The following USP15 variants were observed in gnomAD, a reference collection of about 807,000 sequenced individuals.
USP15 encodes ubiquitin carboxyl-terminal hydrolase 15.
A neutral mutation model predicts 127.1 loss-of-function variants in USP15; 18 were observed. The ratio of observed to expected loss-of-function variants is 0.14; its 90% confidence interval spans 0.10 to 0.21. The LOEUF is 0.21. Among genes scored for constraint, USP15 ranks in the 10% least tolerant of loss-of-function variants. The probability of loss-of-function intolerance (pLI) is 1.00; values close to 1 mark genes in which losing one functional copy is unlikely to be tolerated. For missense variants in USP15, 805 were observed against 1,159.9 expected (o/e 0.69, Z 4.44); for synonymous variants, 364 against 393.7 (o/e 0.92, Z 0.89).
intron 7 of USP15, among the ~76,000 whole-genome samples, chr12:62,352,243 TGGAATTATTTC>T (rs2065986513): frequency 6.6e-6 from 1 of 151,856 alleles, no homozygotes; most frequent in Admixed American, 6.6e-5. Flanking sequence ...AAAGTATACT[TGGAATTATTTC>T]ATTTAAGTTT....
chr12:62,362,168 C>A (rs1302314925), intron 8 of USP15, among the ~76,000 whole-genome samples: 1 of 152,038 alleles, frequency 6.6e-6, no homozygotes, highest in Non-Finnish European at 1.5e-5. Context: ...TTATTCAGTA[C>A]ATTTTGAGAT....
At chr12:62,346,079 G>A (rs1438632687) in intron 6 of USP15, among the ~76,000 whole-genome samples, 2 of 152,140 alleles carry the variant, frequency 1.3e-5, no homozygotes. Context: ...AAAAAGAGTG[G>A]TGTCATGAAA....
At chr12:62,397,981 T>C (rs973861527) in intron 20 of USP15, among the ~76,000 whole-genome samples, 17 of 140,590 alleles carry the variant, frequency 1.2e-4, no homozygotes, top group Non-Finnish European at 2.3e-4. Context: ...ATTATTATTA[T>C]ATTTTATTTT....
chr12:62,286,877 C>T (rs1334725780), intron 1 of USP15, among the ~76,000 whole-genome samples: 1 of 149,890 alleles, frequency 6.7e-6, no homozygotes, highest in African/African-American at 2.5e-5. Context: ...GTGGAAGTTG[C>T]GGTGAGCTGA....
At chr12:62,307,552 A>G (rs910087154) in intron 3 of USP15, among the ~76,000 whole-genome samples, 1 of 152,168 alleles carries the variant, frequency 6.6e-6, no homozygotes, top group Non-Finnish European at 1.5e-5. Context: ...AAGAGGCACT[A>G]CAGTAGTCCC....
At chr12:62,345,188 G>A (rs781309236) in intron 6 of USP15, among the ~76,000 whole-genome samples, 3 of 152,176 alleles carry the variant, frequency 2.0e-5, no homozygotes, top group Non-Finnish European at 4.4e-5. Context: ...GCCTTTAGCA[G>A]CACCCAAGTC....
chr12:62,373,847 A>G (rs2137536600), intron 8 of USP15, among the ~76,000 whole-genome samples: 1 of 152,122 alleles, frequency 6.6e-6, no homozygotes, highest in Admixed American at 6.5e-5. Flanking sequence ...TATAACAAAA[A>G]TAAGAACATC....
chr12:62,383,827 G>A lies in USP15; in HGVS notation c.1090-13G>A, dbSNP rs1277807981. On this transcript the variant is annotated splice_polypyrimidine_tract_variant and intron_variant, in intron 9 of 21. Coordinates refer to ENST00000280377, the MANE Select transcript of USP15 (RefSeq NM_001252078.2). ...TTCCTAGAACTGATTTGATGGTTTTGCATTTCTTACAGACACAGGTAGGAC... is the reference window on the plus strand; with the variant it reads ...TTCCTAGAACTGATTTGATGGTTTTACATTTCTTACAGACACAGGTAGGAC... 2 of 1,608,364 alleles carry A rather than the reference G, an allele frequency of 1.2e-6. No individual in the cohort carries two copies. The highest frequency in any genetic ancestry group is 2.2e-5 in the South Asian group (2 of 90,480).
At chr12:62,276,374 T>G (rs1050544435) in intron 1 of USP15, among the ~76,000 whole-genome samples, 1 of 152,138 alleles carries the variant, frequency 6.6e-6, no homozygotes, top group Non-Finnish European at 1.5e-5. Context: ...TGTACATTAG[T>G]ATTTAGATGA....
intron 3 of USP15, among the ~76,000 whole-genome samples, chr12:62,309,510 C>T (rs2137228813): frequency 1.3e-5 from 2 of 152,038 alleles, no homozygotes; most frequent in Middle Eastern, 6.8e-3. Flanking sequence ...AAACCAATAC[C>T]ACACAGATTC....
At chr12:62,390,506 T>C (rs1281590634) in intron 14 of USP15, among the ~76,000 whole-genome samples, 1 of 152,130 alleles carries the variant, frequency 6.6e-6, no homozygotes, top group Non-Finnish European at 1.5e-5. Flanking sequence ...TTAGTATTCT[T>C]TCTTGCATAT....
intron 1 of USP15, among the ~76,000 whole-genome samples, chr12:62,293,014 G>A (rs552450132): frequency 5.3e-5 from 8 of 152,272 alleles, no homozygotes; most frequent in South Asian, 4.1e-4. Flanking sequence ...ATGATGCCTT[G>A]CCACAGATGC....
At chr12:62,289,205 C>G (rs929364311) in intron 1 of USP15, among the ~76,000 whole-genome samples, 10 of 139,634 alleles carry the variant, frequency 7.2e-5, no homozygotes, top group Admixed American at 2.9e-4. Flanking sequence ...TGAATCTGTC[C>G]TCTCCTGAGC....
intron 8 of USP15, among the ~76,000 whole-genome samples, chr12:62,370,847 C>G (rs964381467): frequency 6.6e-6 from 1 of 152,136 alleles, no homozygotes; most frequent in Non-Finnish European, 1.5e-5. Flanking sequence ...CTCAAGATGC[C>G]TACTTACACT....
At chr12:62,283,753 G>C (rs188417876) in intron 1 of USP15, among the ~76,000 whole-genome samples, 1 of 152,214 alleles carries the variant, frequency 6.6e-6, no homozygotes, top group Non-Finnish European at 1.5e-5. Flanking sequence ...GACCAGCCTG[G>C]CTAAGATGGC....
intron 8 of USP15, among the ~76,000 whole-genome samples, chr12:62,366,029 T>A (rs2066465401): frequency 1.3e-5 from 2 of 152,232 alleles, no homozygotes; most frequent in Non-Finnish European, 2.9e-5. Context: ...TTGTCTTGGC[T>A]ATGCCGGCTC....
intron 8 of USP15, among the ~76,000 whole-genome samples, chr12:62,362,649 C>A (rs759548718): frequency 2.0e-4 from 31 of 152,024 alleles, no homozygotes; most frequent in Non-Finnish European, 4.1e-4. Context: ...TAATGAATGA[C>A]TGATGAAGTC....
intron 1 of USP15, among the ~76,000 whole-genome samples, chr12:62,270,895 C>G (rs1397330630): frequency 6.6e-6 from 1 of 152,004 alleles, no homozygotes; most frequent in African/African-American, 2.4e-5. Flanking sequence ...ACACACTCAT[C>G]TTTTTGCAGC....
intron 20 of USP15, among the ~76,000 whole-genome samples, chr12:62,399,004 C>A (rs563455428): frequency 1.3e-5 from 2 of 152,086 alleles, no homozygotes; most frequent in South Asian, 4.2e-4. Context: ...CATTCTTTGC[C>A]CCTTTTTTTT....
Sources: allele counts gnomAD v4.1 joint callset (sites outside exome capture counted in the v4.1 genomes callset), GRCh38; gene constraint gnomAD v4.1.1; transcripts MANE v1.5; gene names NCBI Gene and HGNC (gene_info 2026-07-23, HGNC 2026-07-21).